The following TFAP2D variants were observed in gnomAD, a reference collection of about 807,000 sequenced individuals.
TFAP2D encodes transcription factor AP-2-delta.
A neutral mutation model predicts 43.6 loss-of-function variants in TFAP2D; 9 were observed. The ratio of observed to expected loss-of-function variants is 0.21; its 90% confidence interval spans 0.12 to 0.36. TFAP2D has a LOEUF of 0.36. Among genes scored for constraint, TFAP2D ranks in the 10% least tolerant of loss-of-function variants. The probability of loss-of-function intolerance (pLI) is 1.00; values close to 1 mark genes in which losing one functional copy is unlikely to be tolerated. For synonymous variants in TFAP2D, 256 were observed against 224.9 expected (o/e 1.14, Z -1.24); for missense variants, 513 against 561.4 (o/e 0.91, Z 0.87).
intron 5 of TFAP2D, among the ~76,000 whole-genome samples, chr6:50,742,616 A>AGATAGAT (rs1392954106): frequency 2.8e-5 from 4 of 144,916 alleles, no homozygotes; most frequent in African/African-American, 9.9e-5. Flanking sequence ...ATAGATAGAT[A>AGATAGAT]GATAGATAGA....
At chr6:50,740,179 T>A (rs1769020437) in intron 5 of TFAP2D, among the ~76,000 whole-genome samples, 1 of 152,214 alleles carries the variant, frequency 6.6e-6, no homozygotes, top group Admixed American at 6.5e-5. Context: ...AAAATTCAAA[T>A]CATAAATATA....
At chr6:50,719,455 AAG>A (rs1768681469) in intron 3 of TFAP2D, among the ~76,000 whole-genome samples, 2 of 119,460 alleles carry the variant, frequency 1.7e-5, no homozygotes, top group South Asian at 5.7e-4. Flanking sequence ...GAGAGAAAGA[AAG>A]AAAGAAAGAA....
intron 7 of TFAP2D, among the ~76,000 whole-genome samples, chr6:50,757,061 CA>C (rs1183367661): frequency 6.6e-6 from 1 of 151,794 alleles, no homozygotes; most frequent in African/African-American, 2.4e-5. Flanking sequence ...CCAGGGAAGA[CA>C]CCCTGTCCAA....
chr6:50,732,903 T>C (rs1768913537), intron 5 of TFAP2D, among the ~76,000 whole-genome samples: 1 of 152,026 alleles, frequency 6.6e-6, no homozygotes, highest in Non-Finnish European at 1.5e-5. Context: ...TTAAATGGAG[T>C]CACTGTATGA....
intron 7 of TFAP2D, among the ~76,000 whole-genome samples, chr6:50,764,799 C>A (rs1769419696): frequency 6.6e-6 from 1 of 151,940 alleles, no homozygotes; most frequent in Non-Finnish European, 1.5e-5. Flanking sequence ...GTATAATTGA[C>A]AAATACAAAT....
rs375226363 is a variant in TFAP2D at position 50,719,052 on chromosome 6, T to C, written c.538-38T>C. 13 of 1,601,322 alleles carry C rather than the reference T, an allele frequency of 8.1e-6. No homozygotes were observed. The African/African-American group carries it at 1.5e-4, about 18-fold the overall frequency. On this transcript the variant is annotated intron_variant, in intron 2 of 7. Coordinates refer to ENST00000008391, the MANE Select transcript of TFAP2D (RefSeq NM_172238.4). The stretch of plus-strand genomic sequence containing the variant: ...ACCTACGTGGTCATGCATATGAGTA[T>C]CCATTTAAGTAATTTTATTTCTGTT...
intron 7 of TFAP2D, among the ~76,000 whole-genome samples, chr6:50,757,830 T>C (rs968338800): frequency 4.6e-5 from 6 of 131,226 alleles, no homozygotes; most frequent in African/African-American, 1.7e-4. Context: ...TATATATAAT[T>C]ATATATATAA....
At chr6:50,728,697 A>G (rs1768841707) in intron 3 of TFAP2D, among the ~76,000 whole-genome samples, 159 bp from the exon 4 acceptor site, 1 of 152,246 alleles carries the variant, frequency 6.6e-6, no homozygotes, top group Non-Finnish European at 1.5e-5. Context: ...TATTTGAAAG[A>G]ACATTTAGAG....
intron 7 of TFAP2D, among the ~76,000 whole-genome samples, chr6:50,757,388 C>G (rs1201896801): frequency 8.0e-6 from 1 of 124,944 alleles, no homozygotes; most frequent in Non-Finnish European, 1.6e-5. Flanking sequence ...TGTAATTATT[C>G]TATATATAGA....
At chr6:50,743,188 G>A (rs1334591922) in intron 5 of TFAP2D, among the ~76,000 whole-genome samples, 1 of 152,036 alleles carries the variant, frequency 6.6e-6, no homozygotes, top group African/African-American at 2.4e-5. Flanking sequence ...CTAAAGACGT[G>A]CCATTGCTCA....
At chr6:50,751,117 TA>T in intron 6 of TFAP2D, 93 bp from the exon 7 acceptor site, 1 of 856,552 alleles carries the variant, frequency 1.2e-6, no homozygotes. Flanking sequence ...AGACTTCTTT[TA>T]AAAGAGAGAA....
At chr6:50,725,106 A>C (rs1002091947) in intron 3 of TFAP2D, among the ~76,000 whole-genome samples, 1 of 152,130 alleles carries the variant, frequency 6.6e-6, no homozygotes, top group African/African-American at 2.4e-5. Context: ...GTCCCCTGTT[A>C]TGCCAAGGCA....
chr6:50,754,203 A>G (rs1769235180), intron 7 of TFAP2D, among the ~76,000 whole-genome samples: 1 of 151,880 alleles, frequency 6.6e-6, no homozygotes, highest in Non-Finnish European at 1.5e-5. Context: ...TAGACATCTC[A>G]TATAAGAAGA....
At chr6:50,715,078 A>G (rs1288156023) in intron 1 of TFAP2D, 38 bp from the exon 2 acceptor site, 1 of 1,591,808 alleles carries the variant, frequency 6.3e-7, no homozygotes, top group East Asian at 2.3e-5. Flanking sequence ...ACAAACCTCA[A>G]GTTTTTCTGC....
intron 5 of TFAP2D, among the ~76,000 whole-genome samples, chr6:50,729,704 C>G (rs564758930): frequency 2.6e-5 from 4 of 152,204 alleles, no homozygotes; most frequent in African/African-American, 9.6e-5. Flanking sequence ...AGAAATAACC[C>G]TTTATGAAGA....
intron 5 of TFAP2D, among the ~76,000 whole-genome samples, 177 bp from the exon 6 acceptor site, chr6:50,744,930 A>G (rs1018448920): frequency 6.6e-6 from 1 of 151,860 alleles, no homozygotes; most frequent in Non-Finnish European, 1.5e-5. Context: ...ATTTCCCCTC[A>G]TTCTTCCTCA....
chr6:50,744,982 T>C, intron 5 of TFAP2D, 125 bp from the exon 6 acceptor site: 2 of 1,202,578 alleles, frequency 1.7e-6, no homozygotes, highest in South Asian at 3.5e-5. Flanking sequence ...TTTTCTTGAA[T>C]AGTTTAAGTA....
At chr6:50,765,684 T>C (rs1769430972) in intron 7 of TFAP2D, among the ~76,000 whole-genome samples, 1 of 152,198 alleles carries the variant, frequency 6.6e-6, no homozygotes, top group South Asian at 2.1e-4. Context: ...GTTTGTGTCC[T>C]AAGCCCATTT....
At chr6:50,772,545 C>A (rs1483734882) in intron 7 of TFAP2D, 100 bp from the exon 8 acceptor site, 4 of 994,368 alleles carry the variant, frequency 4.0e-6, no homozygotes, top group Non-Finnish European at 6.1e-6. Flanking sequence ...ACAATGAATA[C>A]CTGTTTAATT....
Sources: gnomAD v4.1 joint callset for allele counts (sites outside exome capture counted in the v4.1 genomes callset) on GRCh38, gnomAD v4.1.1 for gene constraint, MANE v1.5 for transcripts, NCBI Gene and HGNC (gene_info 2026-07-23, HGNC 2026-07-21) for gene names.